The following DLG2 variants were observed in gnomAD, a reference collection of about 807,000 sequenced individuals.
The protein encoded by DLG2 is disks large homolog 2.
Under a neutral mutation model 132.5 loss-of-function variants are expected in DLG2, and 45 were observed. The observed-to-expected ratio is 0.34, with a 90% CI of 0.27 to 0.44. DLG2 has a LOEUF of 0.44. DLG2 is among the 20% of genes least tolerant of loss of function. The probability of loss-of-function intolerance (pLI) is 1.00; values close to 1 mark genes in which losing one functional copy is unlikely to be tolerated. For missense variants in DLG2, 1,045 were observed against 1,196.9 expected (o/e 0.87, Z 1.87); for synonymous variants, 424 against 419.6 (o/e 1.01, Z -0.13).
At chr11:83,626,579 G>T (rs568192129) in intron 19 of DLG2, among the ~76,000 whole-genome samples, 4 of 152,310 alleles carry the variant, frequency 2.6e-5, no homozygotes. Context: ...ACTGTCTCAG[G>T]TAGTAGCAAC....
chr11:84,403,536 C>T (rs2098838025), intron 7 of DLG2, among the ~76,000 whole-genome samples: 2 of 152,136 alleles, frequency 1.3e-5, no homozygotes, highest in South Asian at 4.1e-4. Context: ...TTCCCTCCAA[C>T]CTCTATTATT....
chr11:84,559,346 G>C (rs971783544), intron 6 of DLG2, among the ~76,000 whole-genome samples: 1 of 152,018 alleles, frequency 6.6e-6, no homozygotes, highest in African/African-American at 2.4e-5. Context: ...TAGGGAGATG[G>C]CATAACTTAG....
chr11:85,107,750 A>C (rs1201707982), intron 6 of DLG2, among the ~76,000 whole-genome samples: 1 of 151,918 alleles, frequency 6.6e-6, no homozygotes, highest in Non-Finnish European at 1.5e-5. Context: ...TCTAGTGATT[A>C]ATATAGCCGC....
At chr11:83,806,508 T>C (rs2045945816) in intron 17 of DLG2, among the ~76,000 whole-genome samples, 1 of 152,176 alleles carries the variant, frequency 6.6e-6, no homozygotes, top group Admixed American at 6.5e-5. Context: ...CCATATATAG[T>C]CATTGTTTTA....
At chr11:85,133,110 C>T (rs1594708663) in intron 5 of DLG2, 3 of 297,484 alleles carry the variant, frequency 1.0e-5, no homozygotes, top group East Asian at 7.6e-5. Flanking sequence ...GTGAGTGCCC[C>T]GCACAGTTCT....
At chr11:83,863,574 A>C (rs1460194926) in intron 16 of DLG2, among the ~76,000 whole-genome samples, 1 of 152,134 alleles carries the variant, frequency 6.6e-6, no homozygotes, top group African/African-American at 2.4e-5. Flanking sequence ...GGATATAGGA[A>C]GAGAGATCAG....
chr11:85,530,304 TTTTTA>T (rs1456302732), intron 3 of DLG2, among the ~76,000 whole-genome samples: 1 of 150,472 alleles, frequency 6.6e-6, no homozygotes, highest in Non-Finnish European at 1.5e-5. Flanking sequence ...CCTTTTTTTA[TTTTTA>T]TTTTATTTAT....
At chr11:83,492,051 G>T (rs2093880486) in intron 21 of DLG2, among the ~76,000 whole-genome samples, 3 of 152,064 alleles carry the variant, frequency 2.0e-5, no homozygotes, top group African/African-American at 7.2e-5. Flanking sequence ...TACAGCAGCA[G>T]AATTGAGTAT....
At chr11:84,589,624 T>C (rs890906506) in intron 6 of DLG2, among the ~76,000 whole-genome samples, 1 of 152,212 alleles carries the variant, frequency 6.6e-6, no homozygotes, top group African/African-American at 2.4e-5. Context: ...TAATCTTTTG[T>C]CTTGAGTCTT....
At chr11:85,271,174 G>T (rs1464315954) in intron 4 of DLG2, among the ~76,000 whole-genome samples, 1 of 152,194 alleles carries the variant, frequency 6.6e-6, no homozygotes, top group Non-Finnish European at 1.5e-5. Flanking sequence ...CTCCAGCCAT[G>T]ACTAACAGGG....
chr11:84,748,035 G>C (rs2065609960), intron 6 of DLG2, among the ~76,000 whole-genome samples: 1 of 152,176 alleles, frequency 6.6e-6, no homozygotes, highest in Non-Finnish European at 1.5e-5. Flanking sequence ...CAGTGCTGAT[G>C]ATTTGTCTGC....
intron 3 of DLG2, among the ~76,000 whole-genome samples, chr11:85,458,328 C>T (rs949488715): frequency 1.3e-5 from 2 of 152,042 alleles, no homozygotes; most frequent in African/African-American, 4.8e-5. Flanking sequence ...TATCTATCAG[C>T]CTCTGTATTT....
At chr11:84,000,386 C>G (rs1346574761) in intron 11 of DLG2, among the ~76,000 whole-genome samples, 1 of 151,748 alleles carries the variant, frequency 6.6e-6, no homozygotes, top group African/African-American at 2.4e-5. Flanking sequence ...ATAAAGGGAC[C>G]AAATATTCAA....
chr11:84,736,868 T>G (rs889515909), intron 6 of DLG2, among the ~76,000 whole-genome samples: 1 of 152,010 alleles, frequency 6.6e-6, no homozygotes, highest in Non-Finnish European at 1.5e-5. Flanking sequence ...CTTTACTGAT[T>G]ATGCTGGTTA....
chr11:83,732,273 T>A (rs951484031), intron 18 of DLG2, among the ~76,000 whole-genome samples: 1 of 152,058 alleles, frequency 6.6e-6, no homozygotes, highest in East Asian at 1.9e-4. Flanking sequence ...AAACATACAA[T>A]CTCAAGGGTG....
At position 83,541,849 on chromosome 11, in the gene DLG2, G is replaced by C. The variant is rs752856934; in HGVS notation, c.1950C>G (p.Phe650Leu). Residue 650 changes from phenylalanine to leucine, a missense_variant, in exon 20 of 28, where the codon TTC becomes TTG. By Grantham distance (22) the Phe-to-Leu change is conservative (BLOSUM62 0). This residue lies in a region of DLG2 where 398 missense variants were observed against 543.6 expected (regional missense o/e 0.73). Transcript: ENST00000376104. The part of the protein sequence containing the change: ...QKRSLYVRAM[F>L]DYDKSKDSGL... The stretch of plus-strand genomic sequence containing the variant: ...CACTGTCCTTGCTCTTGTCGTAGTC[G>C]AACATGGCTCTGGAGGAAAGGACAA... The C allele has an allele frequency of 6.2e-7, 1 of 1,604,804 alleles. No homozygotes were observed. Among genetic ancestry groups the C allele is most frequent in the Non-Finnish European group, 8.5e-7 (1 of 1,175,226 alleles).
chr11:85,094,631 G>A (rs745533396), intron 6 of DLG2, among the ~76,000 whole-genome samples: 3 of 152,176 alleles, frequency 2.0e-5, no homozygotes, highest in Non-Finnish European at 4.4e-5. Flanking sequence ...GGTCTTCAGA[G>A]AATTAAAGAA....
chr11:85,253,703 G>A (rs1346149992), intron 4 of DLG2, among the ~76,000 whole-genome samples: 2 of 152,138 alleles, frequency 1.3e-5, no homozygotes, highest in African/African-American at 4.8e-5. Flanking sequence ...CATGGCACCC[G>A]AGTTCTTGTC....
At position 84,519,444 on chromosome 11, in the gene DLG2, C is replaced by T. The variant is rs1409639902; in HGVS notation, c.519+15126G>A. Among the ~76,000 whole-genome samples the T allele has an allele frequency of 5.9e-5, 9 of 152,260 alleles. No individual in the cohort carries two copies. In the East Asian group the frequency reaches 1.5e-3, roughly 26 times the overall value. Reference sequence around the variant, plus strand: ...AGAGACAAGATATTATTGCTCTTGGCTTGAATAGATGGTGAAAGCTTATGG... The same window carrying T: ...AGAGACAAGATATTATTGCTCTTGGTTTGAATAGATGGTGAAAGCTTATGG... On this transcript the variant is annotated intron_variant, in intron 7 of 27. Transcript: ENST00000376104.
Sources: gnomAD v4.1 joint callset for allele counts (sites outside exome capture counted in the v4.1 genomes callset) on GRCh38, gnomAD v4.1.1 for gene constraint, gnomAD v4.1.1 regional missense constraint, MANE v1.5 for transcripts, NCBI Gene and HGNC (gene_info 2026-07-23, HGNC 2026-07-21) for gene names.